The following QTGAL variants were observed in gnomAD, a reference collection of about 807,000 sequenced individuals.
QTGAL encodes queuosine-tRNA galactosyltransferase.
chr17:82,949,254 G>C, the QTGAL span: 2 of 152,176 alleles, frequency 1.3e-5, no homozygotes, highest in Non-Finnish European at 1.5e-5. Flanking sequence ...ATTCCACACA[G>C]AGCCACTTGA....
At chr17:82,968,336 C>T in the QTGAL span, among the ~76,000 whole-genome samples, 1 of 151,952 alleles carries the variant, frequency 6.6e-6, no homozygotes, top group African/African-American at 2.4e-5. Flanking sequence ...CCCTCACCAG[C>T]AACCAAGGGA....
the QTGAL span, among the ~76,000 whole-genome samples, chr17:82,978,308 C>T: frequency 3.9e-5 from 6 of 152,104 alleles, no homozygotes; most frequent in East Asian, 5.8e-4. The surrounding 1 kb of genome is among the most constrained non-coding windows in gnomAD (Gnocchi z 4.8). Flanking sequence ...AGCAAAGCCC[C>T]GAGGAAGGTT....
At chr17:82,965,591 C>A in the QTGAL span, 5 of 1,472,674 alleles carry the variant, frequency 3.4e-6, no homozygotes, top group African/African-American at 5.6e-5. Flanking sequence ...GCAGAGCCCA[C>A]ACACAGAGAC....
chr17:82,982,399 T>C, the QTGAL span, among the ~76,000 whole-genome samples: 1 of 146,254 alleles, frequency 6.8e-6, no homozygotes, highest in African/African-American at 2.6e-5. Context: ...GGAGGTCTTA[T>C]GTCCAGAAGA....
At chr17:82,952,159 TTG>T in the QTGAL span, among the ~76,000 whole-genome samples, 1 of 152,192 alleles carries the variant, frequency 6.6e-6, no homozygotes, top group Non-Finnish European at 1.5e-5. Context: ...TGGACTTGAC[TTG>T]GATTAGTTGT....
At chr17:82,954,769 G>T in the QTGAL span, among the ~76,000 whole-genome samples, 1 of 152,144 alleles carries the variant, frequency 6.6e-6, no homozygotes, top group African/African-American at 2.4e-5. Flanking sequence ...GCATGGTACT[G>T]GTACCAAAAC....
chr17:83,010,185 C>T, the QTGAL span, among the ~76,000 whole-genome samples: 3 of 152,140 alleles, frequency 2.0e-5, no homozygotes, highest in Admixed American at 6.5e-5. Flanking sequence ...ACCAGGCAGG[C>T]GGCTCTTCTC....
the QTGAL span, among the ~76,000 whole-genome samples, chr17:82,970,598 G>A: frequency 0.15 from 10,502 of 70,408 alleles, 1,379 homozygotes; most frequent in Middle Eastern, 0.23. Flanking sequence ...CTCCGCACCC[G>A]GCGTGGCCGC....
At chr17:82,961,165 A>G in the QTGAL span, 3 of 1,607,718 alleles carry the variant, frequency 1.9e-6, no homozygotes, top group South Asian at 1.1e-5. Context: ...GAAGAACAGC[A>G]GGTCCTCCGG....
chr17:83,026,434 G>A, the QTGAL span, among the ~76,000 whole-genome samples: 7 of 152,282 alleles, frequency 4.6e-5, no homozygotes, highest in African/African-American at 1.7e-4. Flanking sequence ...GCAGAATGCT[G>A]TACAGCAGAG....
the QTGAL span, among the ~76,000 whole-genome samples, chr17:82,966,703 C>T: frequency 6.6e-6 from 1 of 152,158 alleles, no homozygotes; most frequent in Non-Finnish European, 1.5e-5. Context: ...GACCGGACCT[C>T]AGTGAGCTGA....
the QTGAL span, among the ~76,000 whole-genome samples, chr17:82,972,823 T>C: frequency 6.3e-4 from 51 of 80,364 alleles, no homozygotes; most frequent in Middle Eastern, 8.9e-3. Context: ...CCACAGGGGC[T>C]AGAAGGACCT....
At chr17:83,048,445 T>C in the QTGAL span, 2 of 1,562,342 alleles carry the variant, frequency 1.3e-6, no homozygotes, top group East Asian at 4.5e-5. Context: ...GAATTATAGT[T>C]TAATAAACTA....
the QTGAL span, among the ~76,000 whole-genome samples, chr17:83,023,787 G>A: frequency 3.9e-5 from 6 of 152,190 alleles, no homozygotes; most frequent in Non-Finnish European, 8.8e-5. Context: ...GCAGCTGCAG[G>A]GAAGAGCTGG....
chr17:82,970,382 A>C, the QTGAL span, among the ~76,000 whole-genome samples: 210 of 152,396 alleles, frequency 1.4e-3, no homozygotes, highest in Middle Eastern at 0.014. Flanking sequence ...GCAACCATTT[A>C]GCTTCCTGTT....
the QTGAL span, among the ~76,000 whole-genome samples, chr17:83,008,878 G>A: frequency 1.3e-5 from 2 of 152,152 alleles, no homozygotes; most frequent in African/African-American, 2.4e-5. Context: ...ACGAGTGTGC[G>A]GGCTCGAGAT....
the QTGAL span, among the ~76,000 whole-genome samples, chr17:83,027,824 G>C: frequency 6.6e-6 from 1 of 150,490 alleles, no homozygotes; most frequent in Non-Finnish European, 1.5e-5. Flanking sequence ...TTAATAGTAA[G>C]ATAAACAGGC....
At chr17:82,954,173 G>T in the QTGAL span, among the ~76,000 whole-genome samples, 4,811 of 152,192 alleles carry the variant, frequency 0.032, 93 homozygotes, top group South Asian at 0.1. Context: ...GAAATAAAGA[G>T]TATTCAGATA....
the QTGAL span, among the ~76,000 whole-genome samples, chr17:82,977,538 G>A: frequency 1.1e-4 from 17 of 152,262 alleles, no homozygotes; most frequent in East Asian, 2.7e-3. Context: ...TATCTGGAAC[G>A]CAGCTACAGT....
Sources: allele counts gnomAD v4.1 joint callset (sites outside exome capture counted in the v4.1 genomes callset), GRCh38; gene constraint gnomAD v4.1.1; non-coding constraint Gnocchi (gnomAD v3.1); transcripts MANE v1.5; gene names NCBI Gene and HGNC (gene_info 2026-07-23, HGNC 2026-07-21).